The following ARL14EP variants were observed in gnomAD, a reference collection of about 807,000 sequenced individuals.
The protein encoded by ARL14EP is ARL14 effector protein.
A neutral mutation model predicts 23.1 loss-of-function variants in ARL14EP; 12 were observed. The ratio of observed to expected loss-of-function variants is 0.52; its 90% CI spans 0.33 to 0.84. The LOEUF (loss-of-function observed/expected upper bound fraction) is 0.84. Among genes scored for constraint, ARL14EP ranks in the 40% least tolerant of loss-of-function variants. ARL14EP has a pLI of 0.02. For synonymous variants in ARL14EP, 97 were observed against 102.0 expected, an observed-to-expected ratio of 0.95 and a Z score of 0.29; for missense variants, 253 against 307.3, an observed-to-expected ratio of 0.82 and a Z score of 1.32.
At chr11:30,329,424 T>C (rs1350356371) in intron 1 of ARL14EP, 1 of 152,168 alleles carries the variant, frequency 6.6e-6, no homozygotes, top group African/African-American at 2.4e-5. Flanking sequence ...TAACTTGTGC[T>C]CTTATTGGAG....
rs1377882763 is a variant in ARL14EP, at chr11:30,333,305, CATTTT to C, written c.554+316_554+320del. Among the ~76,000 whole-genome samples the C allele has an allele frequency of 2.6e-5, 4 of 152,062 alleles. No individual in the cohort carries two copies. The East Asian group carries it at 5.8e-4, about 22-fold the overall frequency. On this transcript the variant is annotated intron_variant, in intron 3 of 3. Coordinates refer to ENST00000282032, the MANE Select transcript of ARL14EP (RefSeq NM_152316.3). The stretch of plus-strand genomic sequence containing the variant: ...TTATTATATATATACGGACATACCT[CATTTT>C]ATTGGTGCTTCACTTTATTCTTTAC...
rs1410346847 is a variant in ARL14EP at position 30,336,862 on chromosome 11, A to AT, written c.*71dup. The AT allele has an allele frequency of 8.0e-6, 11 of 1,382,228 alleles. No homozygotes were observed. The highest frequency in any genetic ancestry group is 1.4e-5 in the African/African-American group (1 of 70,016). The allele number at this position is 1,382,228 out of a possible 1,614,324, so 85.6% of individuals were successfully genotyped here. A position where few individuals can be genotyped will look rare whatever the true frequency, so the allele number is the denominator to read the frequency against. On this transcript the variant is annotated 3_prime_UTR_variant, in exon 4 of 4. Transcript: ENST00000282032. ...CTAAAAATCTGTTACTCTAAGATAC[A>AT]TTTTAAGCTTGATTATCATATGACA...
chr11:30,338,045 C>T lies in ARL14EP; in HGVS notation c.*1250C>T, dbSNP rs1275584711. 3 of 152,156 alleles carry T rather than the reference C, an allele frequency of 2.0e-5. No homozygotes were observed. Among genetic ancestry groups the T allele is most frequent in the Non-Finnish European group, 2.9e-5 (2 of 68,034 alleles). The allele number at this position is 152,156 out of a possible 1,614,324, so 9.4% of individuals were successfully genotyped here. A position where few individuals can be genotyped will look rare whatever the true frequency, so the allele number is the denominator to read the frequency against. On this transcript the variant is annotated 3_prime_UTR_variant, in exon 4 of 4. Transcript: ENST00000282032. ...TTGCAGGACCATTTTTATGGTCCCA[C>T]AGTACCATGTGAAATGAGGATCGCT...
Position 30,337,010 on chromosome 11 carries a change from T to C in ARL14EP, c.*215T>C. 1 of 559,932 alleles carries C rather than the reference T, an allele frequency of 1.8e-6. No individual in the cohort carries two copies. Among genetic ancestry groups the C allele is most frequent in the Admixed American group, 3.0e-5 (1 of 33,312 alleles). 34.7% of individuals were successfully genotyped at this position (559,932 alleles called of 1,614,324 possible). A position where few individuals can be genotyped will look rare whatever the true frequency, so the allele number is the denominator to read the frequency against. On this transcript the variant is annotated 3_prime_UTR_variant, in exon 4 of 4. Coordinates refer to ENST00000282032, the MANE Select transcript of ARL14EP (RefSeq NM_152316.3). ...TCAGCGTTAAGCCTGTCTGGATCAA[T>C]ATAAACAAGTAGGGTGTAGGCAGTC... is the stretch of plus-strand genomic sequence containing the variant.
chr11:30,336,675 T>C lies in ARL14EP; in HGVS notation c.663T>C (p.Tyr221=), dbSNP rs1221229184. ...CLDEDCLGCF[Y]ACPACGSTKC... Reference sequence around the variant, plus strand: ...ATGAAGACTGCTTAGGATGTTTCTATGCTTGTCCTGCCTGTGGTTCTACCA... The same window carrying C: ...ATGAAGACTGCTTAGGATGTTTCTACGCTTGTCCTGCCTGTGGTTCTACCA... The change falls in exon 4 of 4, where the codon TAT becomes TAC. Residue 221 remains tyrosine, a synonymous_variant. Transcript: ENST00000282032. 1 of 1,614,214 alleles carries C rather than the reference T, an allele frequency of 6.2e-7. No individual in the cohort carries two copies. Among genetic ancestry groups the C allele is most frequent in the Non-Finnish European group, 8.5e-7 (1 of 1,180,044 alleles).
chr11:30,332,002 C>T (rs1194443102), intron 2 of ARL14EP, among the ~76,000 whole-genome samples: 1 of 151,402 alleles, frequency 6.6e-6, no homozygotes, highest in Non-Finnish European at 1.5e-5. Flanking sequence ...AATATTTTAC[C>T]TCTATTCCTA....
Position 30,336,562 on chromosome 11 carries a change from T to C in ARL14EP, c.555-5T>C. 1 of 1,606,414 alleles carries C rather than the reference T, an allele frequency of 6.2e-7. No homozygotes were observed. The highest frequency in any genetic ancestry group is 8.5e-7 in the Non-Finnish European group (1 of 1,173,038). ...AGGTATAATTCATTGTGTTTTATTT[T>C]ACAGACAAGTGATACCAGCAAAGAG... On this transcript the variant is annotated splice_region_variant and splice_polypyrimidine_tract_variant and intron_variant, in intron 3 of 3. Transcript: ENST00000282032.
At chr11:30,331,850 A>T (rs1363159918) in intron 2 of ARL14EP, 7 of 969,734 alleles carry the variant, frequency 7.2e-6, no homozygotes, top group Non-Finnish European at 8.6e-6. Flanking sequence ...CTCCTTTGAC[A>T]CTGTCTCGTT....
chr11:30,334,205 CTTCTTTT>C (rs1947311609), intron 3 of ARL14EP, among the ~76,000 whole-genome samples: 1 of 105,126 alleles, frequency 9.5e-6, no homozygotes, highest in Non-Finnish European at 1.9e-5. Context: ...GTAGACCAGC[CTTCTTTT>C]TTTTTTTTTT....
At position 30,331,620 on chromosome 11, in the gene ARL14EP, T is replaced by G. The variant is rs1947284493; in HGVS notation, c.426+246T>G. On this transcript the variant is annotated intron_variant, in intron 2 of 3. Coordinates refer to ENST00000282032, the MANE Select transcript of ARL14EP (RefSeq NM_152316.3). ...TGCCTAAGACTCCAAGCTACAACTTTTAGTGCGAAGACTTTAGGAGTGGGT... is the reference window on the plus strand; with the variant it reads ...TGCCTAAGACTCCAAGCTACAACTTGTAGTGCGAAGACTTTAGGAGTGGGT... 15 of 1,353,300 alleles carry G rather than the reference T, an allele frequency of 1.1e-5. 1 individual carries two copies. In the South Asian group the frequency reaches 2.5e-4, roughly 22 times the overall value. The allele number at this position is 1,353,300 out of a possible 1,614,324, so 83.8% of individuals were successfully genotyped here. A position where few individuals can be genotyped will look rare whatever the true frequency, so the allele number is the denominator to read the frequency against.
chr11:30,336,191 T>C (rs960948484), intron 3 of ARL14EP, among the ~76,000 whole-genome samples: 4 of 152,184 alleles, frequency 2.6e-5, no homozygotes, highest in Non-Finnish European at 5.9e-5. Context: ...TAAAAATCTA[T>C]AGAGGTGGTA....
chr11:30,336,051 T>C (rs963797815), intron 3 of ARL14EP, among the ~76,000 whole-genome samples: 14 of 152,200 alleles, frequency 9.2e-5, no homozygotes, highest in Non-Finnish European at 1.6e-4. Context: ...GAATTTTTTT[T>C]CTAAGTTCAG....
At position 30,331,014 on chromosome 11, in the gene ARL14EP, T is replaced by C. The variant is rs1438892384; in HGVS notation, c.66T>C (p.Tyr22=). 3 of 1,613,878 alleles carry C rather than the reference T, an allele frequency of 1.9e-6. No individual in the cohort carries two copies. The highest frequency in any genetic ancestry group is 2.2e-5 in the South Asian group (2 of 91,080). ...CAAATGAGTGCCATAAAACCTACTA[T>C]ACTCGTCACACAGGTTTTAAGACTT... is the stretch of plus-strand genomic sequence containing the variant. ...RTTNECHKTY[Y]TRHTGFKTLQ... Residue 22 remains tyrosine (Y), a synonymous_variant, in exon 2 of 4, where the codon TAT becomes TAC. Transcript: ENST00000282032.
chr11:30,336,463 C>T, intron 3 of ARL14EP, 104 bp from the exon 4 acceptor site: 1 of 1,072,146 alleles, frequency 9.3e-7, no homozygotes, highest in Non-Finnish European at 1.4e-6. Flanking sequence ...TTGGCATGAC[C>T]TCATCTAAAA....
chr11:30,325,042 A>T (rs192897944), intron 1 of ARL14EP, among the ~76,000 whole-genome samples: 1 of 152,352 alleles, frequency 6.6e-6, no homozygotes, highest in East Asian at 1.9e-4. Flanking sequence ...ACTTTATTCA[A>T]AAGGGTTATC....
chr11:30,335,774 A>G (rs1025770135), intron 3 of ARL14EP, among the ~76,000 whole-genome samples: 53 of 125,990 alleles, frequency 4.2e-4, no homozygotes, highest in African/African-American at 1.4e-3. Flanking sequence ...ATATATATAT[A>G]TATGTGTGTG....
At chr11:30,325,163 G>A (rs185305806) in intron 1 of ARL14EP, among the ~76,000 whole-genome samples, 2 of 152,310 alleles carry the variant, frequency 1.3e-5, no homozygotes, top group East Asian at 3.9e-4. Context: ...GGATATAAGG[G>A]TGGCTTGATC....
At position 30,336,977 on chromosome 11, in the gene ARL14EP, T is replaced by A; in HGVS notation, c.*182T>A. 1 of 646,092 alleles carries A rather than the reference T, an allele frequency of 1.5e-6. No individual in the cohort carries two copies. Among genetic ancestry groups the A allele is most frequent in the Non-Finnish European group, 2.7e-6 (1 of 370,646 alleles). 40.0% of individuals were successfully genotyped at this position (646,092 alleles called of 1,614,324 possible). ...TGATATAAATTCAGATAGGCTATTT[T>A]TCAGTAGTCAGCGTTAAGCCTGTCT... On this transcript the variant is annotated 3_prime_UTR_variant, in exon 4 of 4. Coordinates refer to ENST00000282032, the MANE Select transcript of ARL14EP (RefSeq NM_152316.3).
chr11:30,328,787 TTTG>T (rs1347008750), intron 1 of ARL14EP: 3 of 152,074 alleles, frequency 2.0e-5, no homozygotes, highest in Non-Finnish European at 2.9e-5. Flanking sequence ...CTCTCCAGTT[TTTG>T]TTTTTTTTTT....
Sources: gnomAD v4.1 joint callset for allele counts (sites outside exome capture counted in the v4.1 genomes callset) on GRCh38, gnomAD v4.1.1 for gene constraint, MANE v1.5 for transcripts, NCBI Gene and HGNC (gene_info 2026-07-23, HGNC 2026-07-21) for gene names.